SLC35G2: variants seen among roughly 807,000 people sequenced by gnomAD.
SLC35G2 encodes the protein solute carrier family 35 member G2.
A neutral mutation model predicts 27.2 loss-of-function variants in SLC35G2; 20 were observed. The ratio of observed to expected loss-of-function variants is 0.74; its 90% confidence interval spans 0.52 to 1.07. The LOEUF (loss-of-function observed/expected upper bound fraction) is 1.07, where lower values mean the gene tolerates loss of function less well. Ranked by LOEUF, SLC35G2 falls within the 50% of genes least tolerant of loss-of-function variation. The probability of loss-of-function intolerance (pLI) is 0.00; values close to 1 mark genes in which losing one functional copy is unlikely to be tolerated. For missense variants in SLC35G2, 416 were observed against 493.3 expected (o/e 0.84, Z 1.48); for synonymous variants, 148 against 165.3 (o/e 0.90, Z 0.80).
chr3:136,843,792 G>C (rs140733442), intron 1 of SLC35G2, among the ~76,000 whole-genome samples: 17 of 151,878 alleles, frequency 1.1e-4, no homozygotes, highest in African/African-American at 3.9e-4. Context: ...AAATTAGCTG[G>C]GCATGGTGAC....
intron 1 of SLC35G2, 136 bp from the exon 2 acceptor site, chr3:136,854,307 C>T (rs1937843637): frequency 1.7e-5 from 10 of 605,290 alleles, no homozygotes. Context: ...ATTGCCAGAT[C>T]ATCTCTAATT....
At chr3:136,830,724 CT>C (rs1424948282) in intron 1 of SLC35G2, among the ~76,000 whole-genome samples, 1 of 152,134 alleles carries the variant, frequency 6.6e-6, no homozygotes, top group Non-Finnish European at 1.5e-5. Context: ...CACATCATTT[CT>C]TTTTATTCTT....
Position 136,855,017 on chromosome 3 carries a change from T to G in SLC35G2, c.557T>G (p.Phe186Cys), listed in dbSNP as rs1937922545. Reference sequence around the variant, plus strand: ...TCTATCACTTGTGCTTATACATCATTTTCAATAGTTCCTCCCAGCAATGGG... The same window carrying G: ...TCTATCACTTGTGCTTATACATCATGTTCAATAGTTCCTCCCAGCAATGGG... ...VISITCAYTSFSIVPPSNGTT... is the reference protein window; with the variant it reads ...VISITCAYTSCSIVPPSNGTT... Residue 186 changes from phenylalanine to cysteine, a missense_variant, in exon 2 of 2, where the codon TTT becomes TGT. Physicochemically the swap from Phe to Cys is radical, Grantham distance 205. Coordinates refer to ENST00000446465, the MANE Select transcript of SLC35G2 (RefSeq NM_025246.3). The G allele has an allele frequency of 6.2e-7, 1 of 1,614,196 alleles. No individual in the cohort carries two copies. Among genetic ancestry groups the G allele is most frequent in the Non-Finnish European group, 8.5e-7 (1 of 1,180,020 alleles).
intron 1 of SLC35G2, chr3:136,846,506 C>T (rs1465308885): frequency 6.6e-6 from 1 of 152,192 alleles, no homozygotes; most frequent in Admixed American, 6.5e-5. Flanking sequence ...AAGTAGACAC[C>T]TCTGCCTTAG....
chr3:136,844,049 G>C (rs1181795195), intron 1 of SLC35G2, among the ~76,000 whole-genome samples: 2 of 152,160 alleles, frequency 1.3e-5, no homozygotes, highest in Non-Finnish European at 2.9e-5. Context: ...TGGACAGGCT[G>C]TGCAAGTTAT....
intron 1 of SLC35G2, among the ~76,000 whole-genome samples, chr3:136,847,423 G>A (rs1937436899): frequency 6.6e-6 from 1 of 152,084 alleles, no homozygotes; most frequent in African/African-American, 2.4e-5. Context: ...AGAGAATTTT[G>A]GTGGCCTATT....
intron 1 of SLC35G2, among the ~76,000 whole-genome samples, chr3:136,850,643 G>A (rs1406129521): frequency 6.6e-6 from 1 of 151,990 alleles, no homozygotes; most frequent in East Asian, 1.9e-4. Context: ...TATCTTGAAA[G>A]CATGATATAA....
chr3:136,846,302 C>T (rs1299280876), intron 1 of SLC35G2, among the ~76,000 whole-genome samples: 1 of 152,104 alleles, frequency 6.6e-6, no homozygotes, highest in Non-Finnish European at 1.5e-5. Flanking sequence ...GAAATAGTTC[C>T]TCTTTTGGAT....
intron 1 of SLC35G2, among the ~76,000 whole-genome samples, chr3:136,822,778 C>A (rs1213045368): frequency 6.6e-6 from 1 of 152,156 alleles, no homozygotes; most frequent in African/African-American, 2.4e-5. Flanking sequence ...CTTTTTTATG[C>A]CTAAATAGTA....
chr3:136,854,028 T>C (rs1184635253), intron 1 of SLC35G2, among the ~76,000 whole-genome samples: 1 of 152,184 alleles, frequency 6.6e-6, no homozygotes, highest in Non-Finnish European at 1.5e-5. Flanking sequence ...ACAAAATACT[T>C]TGGACTTAAC....
At chr3:136,826,977 T>C (rs906266669) in intron 1 of SLC35G2, among the ~76,000 whole-genome samples, 2 of 105,568 alleles carry the variant, frequency 1.9e-5, no homozygotes, top group African/African-American at 3.4e-5. Flanking sequence ...TTTTTCTTTT[T>C]TTTTTTTTTA....
intron 1 of SLC35G2, among the ~76,000 whole-genome samples, chr3:136,822,560 C>T (rs1311048021): frequency 6.6e-6 from 1 of 152,224 alleles, no homozygotes; most frequent in African/African-American, 2.4e-5. Flanking sequence ...GGTGATCTGG[C>T]TGCCTCAGCC....
intron 1 of SLC35G2, among the ~76,000 whole-genome samples, chr3:136,837,143 A>AAC (rs35792092): frequency 0.025 from 3,731 of 149,792 alleles, 74 homozygotes; most frequent in African/African-American, 0.062. Context: ...ACACACACAC[A>AAC]ACACACACAC....
intron 1 of SLC35G2, chr3:136,838,248 T>TATAC (rs1334753876): frequency 2.8e-4 from 1 of 3,610 alleles, no homozygotes; most frequent in African/African-American, 7.6e-4. Flanking sequence ...AGCATATACA[T>TATAC]ATATATATAT....
At chr3:136,827,132 T>C (rs1319267600) in intron 1 of SLC35G2, among the ~76,000 whole-genome samples, 1 of 152,022 alleles carries the variant, frequency 6.6e-6, no homozygotes, top group Non-Finnish European at 1.5e-5. Flanking sequence ...ACCCAACTTT[T>C]TGTTTGAGTG....
intron 1 of SLC35G2, among the ~76,000 whole-genome samples, chr3:136,833,813 TAG>T (rs1278327173): frequency 2.0e-5 from 3 of 152,180 alleles, no homozygotes; most frequent in Non-Finnish European, 4.4e-5. Context: ...ACCCCTGCTG[TAG>T]AGAGAAGATA....
intron 1 of SLC35G2, chr3:136,819,877 C>A (rs901082016): frequency 6.6e-6 from 1 of 152,190 alleles, no homozygotes; most frequent in Non-Finnish European, 1.5e-5. Context: ...CCGAGAGTGG[C>A]GGAGAAGGCT....
intron 1 of SLC35G2, among the ~76,000 whole-genome samples, chr3:136,822,529 G>T (rs1425987438): frequency 6.6e-6 from 1 of 152,158 alleles, no homozygotes; most frequent in Non-Finnish European, 1.5e-5. Context: ...TTGCCAAGCT[G>T]GTCTCGAACT....
intron 1 of SLC35G2, among the ~76,000 whole-genome samples, chr3:136,851,141 T>C (rs916248398): frequency 6.6e-6 from 1 of 151,930 alleles, no homozygotes; most frequent in African/African-American, 2.4e-5. Context: ...AATACACAAG[T>C]GGCTAGAGGT....
Sources: allele counts gnomAD v4.1 joint callset (sites outside exome capture counted in the v4.1 genomes callset), GRCh38; gene constraint gnomAD v4.1.1; transcripts MANE v1.5; gene names NCBI Gene and HGNC (gene_info 2026-07-23, HGNC 2026-07-21).